The following SHISA9 variants were observed in gnomAD, a reference collection of about 807,000 sequenced individuals.
SHISA9 encodes protein shisa-9.
SHISA9 carries 13 observed loss-of-function variants against 38.0 expected under a neutral mutation model. The ratio of observed to expected loss-of-function variants is 0.34; its 90% confidence interval spans 0.22 to 0.54. The LOEUF is 0.54. SHISA9 is among the 20% of genes least tolerant of loss of function. The pLI is 0.91. For missense variants in SHISA9, 538 were observed against 575.8 expected, an observed-to-expected ratio of 0.93 and a Z score of 0.67; for synonymous variants, 275 against 242.0, an observed-to-expected ratio of 1.14 and a Z score of -1.27.
chr16:13,431,861 G>A, the SHISA9 span, among the ~76,000 whole-genome samples: 2 of 152,176 alleles, frequency 1.3e-5, no homozygotes, highest in Admixed American at 6.5e-5. Flanking sequence ...AGGAGTTCGA[G>A]ACCAGCCTGG....
intron 2 of SHISA9, among the ~76,000 whole-genome samples, chr16:12,922,487 C>A (rs1056119348): frequency 1.3e-5 from 2 of 152,160 alleles, no homozygotes. Flanking sequence ...CTACATCTGC[C>A]CCTCAAGTCA....
chr16:13,266,091 T>C, the SHISA9 span, among the ~76,000 whole-genome samples: 1 of 152,210 alleles, frequency 6.6e-6, no homozygotes, highest in Non-Finnish European at 1.5e-5. Context: ...AAAATATGTT[T>C]TTAAATATCA....
At chr16:13,166,529 T>C (rs979064071) in intron 2 of SHISA9, among the ~76,000 whole-genome samples, 1 of 152,238 alleles carries the variant, frequency 6.6e-6, no homozygotes. Flanking sequence ...TCTCTCCCTT[T>C]TCCTGCTTTA....
At chr16:13,248,066 G>A in the SHISA9 span, among the ~76,000 whole-genome samples, 11 of 152,176 alleles carry the variant, frequency 7.2e-5, no homozygotes, top group Non-Finnish European at 1.2e-4. Flanking sequence ...CAAGTTAGGT[G>A]TCTGTTGAAT....
At chr16:13,400,435 C>T in the SHISA9 span, among the ~76,000 whole-genome samples, 2 of 152,144 alleles carry the variant, frequency 1.3e-5, no homozygotes, top group African/African-American at 2.4e-5. Flanking sequence ...GAATCTTTAC[C>T]TCTGGGTCTG....
At chr16:13,213,445 C>A (rs7195991) in intron 4 of SHISA9, 145 bp downstream of exon 4, 148,413 of 679,574 alleles carry the variant, frequency 0.22, 18,636 homozygotes, top group African/African-American at 0.42. Context: ...CGTCTAAGTT[C>A]CAGTGTGTAG....
downstream of SHISA9, among the ~76,000 whole-genome samples, chr16:13,243,818 G>C (rs908782219): frequency 2.1e-5 from 3 of 143,196 alleles, no homozygotes; most frequent in African/African-American, 7.7e-5. Flanking sequence ...CTGTCACCAG[G>C]CTGCAGTGCA....
intron 2 of SHISA9, among the ~76,000 whole-genome samples, chr16:13,126,998 G>A (rs2050264481): frequency 1.4e-5 from 2 of 139,480 alleles, no homozygotes; most frequent in East Asian, 2.3e-4. Flanking sequence ...AGGGAGAGAA[G>A]GAAAAAGACT....
chr16:13,189,141 A>G (rs192368533), intron 2 of SHISA9, among the ~76,000 whole-genome samples: 1 of 152,236 alleles, frequency 6.6e-6, no homozygotes, highest in Non-Finnish European at 1.5e-5. Flanking sequence ...CTGTGAGATT[A>G]TAGATATATT....
chr16:13,357,716 G>A, the SHISA9 span, among the ~76,000 whole-genome samples: 1 of 152,006 alleles, frequency 6.6e-6, no homozygotes, highest in African/African-American at 2.4e-5. Context: ...TATAGGATTT[G>A]GATAGGTAAA....
At chr16:13,409,105 A>G in the SHISA9 span, among the ~76,000 whole-genome samples, 1 of 152,178 alleles carries the variant, frequency 6.6e-6, no homozygotes, top group Non-Finnish European at 1.5e-5. Flanking sequence ...TATGACAGGA[A>G]AAGACGAAGA....
intron 2 of SHISA9, among the ~76,000 whole-genome samples, chr16:12,971,673 C>T (rs2072084736): frequency 6.6e-6 from 1 of 152,124 alleles, no homozygotes; most frequent in Non-Finnish European, 1.5e-5. Flanking sequence ...ACATATCGTA[C>T]CAGATTAATT....
intron 4 of SHISA9, among the ~76,000 whole-genome samples, chr16:13,218,087 A>G (rs1028555989): frequency 3.3e-5 from 5 of 151,930 alleles, no homozygotes; most frequent in Non-Finnish European, 7.4e-5. Context: ...AAGGAAGGAA[A>G]GACATTTCAC....
intron 2 of SHISA9, among the ~76,000 whole-genome samples, chr16:13,075,148 G>A (rs1317484508): frequency 6.6e-6 from 1 of 152,156 alleles, no homozygotes. Flanking sequence ...AGAGTCCACA[G>A]GCATGAGGCT....
At chr16:12,986,544 G>A (rs1187756370) in intron 2 of SHISA9, among the ~76,000 whole-genome samples, 1 of 152,172 alleles carries the variant, frequency 6.6e-6, no homozygotes, top group East Asian at 1.9e-4. Context: ...CAGGTGTGGT[G>A]AGATCATGAG....
chr16:13,069,177 A>T (rs2073476729), intron 2 of SHISA9, among the ~76,000 whole-genome samples: 1 of 141,728 alleles, frequency 7.1e-6, no homozygotes, highest in African/African-American at 3.0e-5. Context: ...GTGTACATGC[A>T]ATGTGTATAT....
the SHISA9 span, among the ~76,000 whole-genome samples, chr16:13,475,335 C>CATATATATTTATGTATATGTG: frequency 5.3e-5 from 8 of 150,512 alleles, no homozygotes; most frequent in African/African-American, 2.0e-4. Context: ...ATATATATCA[C>CATATATATTTATGTATATGTG]ATATATATGT....
At chr16:13,010,809 G>A (rs1004974862) in intron 2 of SHISA9, among the ~76,000 whole-genome samples, 13 of 152,164 alleles carry the variant, frequency 8.5e-5, no homozygotes, top group Admixed American at 3.9e-4. Flanking sequence ...AAAATCAGCC[G>A]GGCATGGTGG....
the SHISA9 span, among the ~76,000 whole-genome samples, chr16:13,548,714 C>A: frequency 1.3e-5 from 2 of 152,216 alleles, no homozygotes; most frequent in South Asian, 4.1e-4. Context: ...AAATAACAAA[C>A]ACTGCCAGAG....
Sources: gnomAD v4.1 joint callset for allele counts (sites outside exome capture counted in the v4.1 genomes callset) on GRCh38, gnomAD v4.1.1 for gene constraint, MANE v1.5 for transcripts, NCBI Gene and HGNC (gene_info 2026-07-23, HGNC 2026-07-21) for gene names.